The following SH3RF2 variants were observed in gnomAD, a reference collection of about 807,000 sequenced individuals.
SH3RF2 encodes the protein E3 ubiquitin-protein ligase SH3RF2.
A neutral mutation model predicts 59.0 loss-of-function variants in SH3RF2; 43 were observed. The observed-to-expected ratio is 0.73, with a 90% confidence interval of 0.57 to 0.94. The LOEUF (loss-of-function observed/expected upper bound fraction) is 0.94. Among genes scored for constraint, SH3RF2 ranks in the 40% least tolerant of loss-of-function variants. The pLI is 0.00. For missense variants in SH3RF2, 930 were observed against 940.1 expected (o/e 0.99, Z 0.14); for synonymous variants, 391 against 391.5 (o/e 1.00, Z 0.01).
chr5:145,979,559 C>T (rs1340778145), intron 2 of SH3RF2, among the ~76,000 whole-genome samples: 3 of 152,102 alleles, frequency 2.0e-5, no homozygotes, highest in Admixed American at 6.6e-5. Context: ...GAAATGGGTT[C>T]GCTCATTTTC....
At chr5:145,986,857 C>T (rs771732907) in intron 2 of SH3RF2, among the ~76,000 whole-genome samples, 14 of 152,140 alleles carry the variant, frequency 9.2e-5, no homozygotes, top group South Asian at 2.1e-4. Context: ...TGACTATAAG[C>T]AGCTCTTTCT....
chr5:146,069,629 A>G (rs1161259222), intron 9 of SH3RF2, among the ~76,000 whole-genome samples: 1 of 152,152 alleles, frequency 6.6e-6, no homozygotes. Context: ...TCTGGAGTGC[A>G]GTGGCACAAT....
intron 2 of SH3RF2, among the ~76,000 whole-genome samples, chr5:145,974,210 C>T (rs2149964076): frequency 6.6e-6 from 1 of 152,294 alleles, no homozygotes; most frequent in African/African-American, 2.4e-5. Context: ...ATATGACCTC[C>T]TAACACAGCC....
intron 9 of SH3RF2, among the ~76,000 whole-genome samples, chr5:146,074,685 G>A (rs1478420423): frequency 6.6e-6 from 1 of 152,124 alleles, no homozygotes; most frequent in African/African-American, 2.4e-5. Context: ...TTAGGGTATA[G>A]TTATTGAATT....
intron 2 of SH3RF2, among the ~76,000 whole-genome samples, chr5:145,977,043 A>C: frequency 6.6e-6 from 1 of 152,250 alleles, no homozygotes; most frequent in East Asian, 1.9e-4. Flanking sequence ...CCAGCTCATG[A>C]CCTCAGCCAG....
intron 5 of SH3RF2, among the ~76,000 whole-genome samples, chr5:146,022,296 C>T (rs1055650085): frequency 6.6e-6 from 1 of 152,188 alleles, no homozygotes; most frequent in Admixed American, 6.5e-5. Flanking sequence ...CAACCTCTGC[C>T]TCCCAGGTTC....
chr5:145,945,355 C>T (rs35350503), intron 2 of SH3RF2, among the ~76,000 whole-genome samples: 7,923 of 152,068 alleles, frequency 0.052, 668 homozygotes, highest in African/African-American at 0.18. Context: ...TATAGTTTTA[C>T]GAAAACATCA....
intron 2 of SH3RF2, among the ~76,000 whole-genome samples, chr5:145,987,188 TTC>T (rs1759743967): frequency 6.6e-6 from 1 of 152,182 alleles, no homozygotes; most frequent in Non-Finnish European, 1.5e-5. Context: ...AAAATATTTT[TTC>T]TCTGTTTTAC....
chr5:146,028,207 CACAG>C (rs748578387), intron 5 of SH3RF2, among the ~76,000 whole-genome samples: 11,202 of 143,206 alleles, frequency 0.078, 560 homozygotes, highest in East Asian at 0.13. Flanking sequence ...CACACACACA[CACAG>C]AGATAATTCA....
In SH3RF2 at chr5:145,938,143, T is replaced by C. The variant is rs755591900; in HGVS notation, c.215T>C (p.Leu72Pro). ...CCGGCCAACCTGCTGCTCGTGCGCCTTCTGGATGGAGTGCGCTCAGGGCAG... is the reference window on the plus strand; with the variant it reads ...CCGGCCAACCTGCTGCTCGTGCGCCCTCTGGATGGAGTGCGCTCAGGGCAG... ...ALPANLLLVR[L>P]LDGVRSGQSS... is the part of the protein sequence containing the mutation. The change falls in exon 2 of 10, where the codon CTT (leucine) becomes CCT (proline). Residue 72 changes from leucine (L) to proline (P), a missense_variant. Physicochemically the swap from Leu to Pro is moderately conservative, Grantham distance 98. Transcript: ENST00000359120. 6.2e-7 allele frequency: 1 copy of C among 1,614,198 alleles called. No individual in the cohort carries two copies. The highest frequency in any genetic ancestry group is 1.1e-5 in the South Asian group (1 of 91,084).
rs759094532 is a variant in SH3RF2 at position 146,056,029 on chromosome 5, A to G, written c.1371A>G (p.Thr457=). ...CCCGGAGCCCTGGTCTCTACACCAC[A>G]TGGACGTTATCCACCTCCTCTGTGT... ...PDSRSPGLYT[T]WTLSTSSVSS... is the part of the protein sequence containing the mutation. Residue 457 remains threonine (T), a synonymous_variant, in exon 8 of 10, where the codon ACA becomes ACG. Transcript: ENST00000359120. 1.6e-5 allele frequency: 26 copies of G among 1,614,114 alleles called. No individual in the cohort carries two copies. In the Admixed American group the frequency reaches 4.2e-4, roughly 26 times the overall value.
At position 146,013,907 on chromosome 5, in the gene SH3RF2, C is replaced by T; in HGVS notation, c.905C>T (p.Thr302Ile). The change falls in exon 5 of 10, where the codon ACA (threonine) becomes ATA (isoleucine). Residue 302 changes from threonine to isoleucine, a missense_variant. By Grantham distance (89) the Thr-to-Ile change is moderately conservative. Coordinates refer to ENST00000359120, the MANE Select transcript of SH3RF2 (RefSeq NM_152550.4). The part of the protein sequence containing the change: ...RRKVPGQFSI[T>I]TALNTLNRMV... ...AAGGTGCCTGGGCAGTTTTCCATCA[C>T]AACAGCCTTGAACACTCTCAACCGG... The T allele has an allele frequency of 6.2e-7, 1 of 1,614,148 alleles. No individual in the cohort carries two copies. The highest frequency in any genetic ancestry group is 1.6e-4 in the Middle Eastern group (1 of 6,062).
intron 5 of SH3RF2, among the ~76,000 whole-genome samples, chr5:146,044,441 A>G (rs1161755004): frequency 1.3e-5 from 2 of 152,030 alleles, no homozygotes; most frequent in African/African-American, 4.8e-5. Context: ...GATTTTAGCC[A>G]TTCTCATCAG....
intron 3 of SH3RF2, among the ~76,000 whole-genome samples, chr5:146,002,295 A>G (rs901683783): frequency 3.3e-5 from 5 of 152,164 alleles, no homozygotes; most frequent in African/African-American, 1.2e-4. Flanking sequence ...TACTAAAAAT[A>G]CAAAAATTAG....
intron 2 of SH3RF2, among the ~76,000 whole-genome samples, chr5:145,980,919 T>C (rs2149969074): frequency 6.6e-6 from 1 of 152,300 alleles, no homozygotes; most frequent in East Asian, 1.9e-4. Context: ...CTCCCCCTAC[T>C]GGATGAAACT....
chr5:146,060,278 A>G, intron 9 of SH3RF2, 54 bp downstream of exon 9: 1 of 1,461,222 alleles, frequency 6.8e-7, no homozygotes, highest in Non-Finnish European at 9.2e-7. Context: ...TACTATGCAT[A>G]GTGTCTCAGC....
At chr5:146,064,907 G>A (rs567490110), downstream of SH3RF2, among the ~76,000 whole-genome samples, 299 of 149,746 alleles carry the variant, frequency 2.0e-3, no homozygotes, top group African/African-American at 7.0e-3. Context: ...GGAGGAAGGG[G>A]CATGTCTAAT....
rs796560979 is a variant in SH3RF2, at chr5:146,038,710, CA to C, written c.1060-9060del. Among the ~76,000 whole-genome samples the C allele has an allele frequency of 2.0e-5, 3 of 152,272 alleles. No individual in the cohort carries two copies. In the East Asian group the frequency reaches 5.8e-4, roughly 29 times the overall value. On this transcript the variant is annotated intron_variant, in intron 5 of 9. Coordinates refer to ENST00000359120, the MANE Select transcript of SH3RF2 (RefSeq NM_152550.4). ...AATTATGCAATGTTCTTGGATGGGA[CA>C]ACTTAATATTTAAAGATGTTGCTTC...
intron 9 of SH3RF2, 54 bp from the exon 10 acceptor site, chr5:146,062,372 G>A (rs2150023818): frequency 6.3e-7 from 1 of 1,582,920 alleles, no homozygotes; most frequent in South Asian, 1.2e-5. Context: ...CAAGCATGGG[G>A]AAATAGACAT....
Sources: allele counts gnomAD v4.1 joint callset (sites outside exome capture counted in the v4.1 genomes callset), GRCh38; gene constraint gnomAD v4.1.1; transcripts MANE v1.5; gene names NCBI Gene and HGNC (gene_info 2026-07-23, HGNC 2026-07-21).